TENM3: variants seen among roughly 807,000 people sequenced by gnomAD.
TENM3 encodes teneurin-3.
A neutral mutation model predicts 255.1 loss-of-function variants in TENM3; 63 were observed. That is an observed-to-expected ratio of 0.25 (90% CI 0.20 to 0.30). The LOEUF is 0.30. Ranked by LOEUF, TENM3 falls within the 10% of genes least tolerant of loss-of-function variation. The pLI is 1.00. For missense variants in TENM3, 2,929 were observed against 3,461.1 expected, an observed-to-expected ratio of 0.85 and a Z score of 3.86; for synonymous variants, 1,306 against 1,322.3, an observed-to-expected ratio of 0.99 and a Z score of 0.27.
intron 3 of TENM3, among the ~76,000 whole-genome samples, chr4:182,552,348 T>C (rs1186330228): frequency 2.6e-5 from 4 of 152,206 alleles, no homozygotes; most frequent in Non-Finnish European, 5.9e-5. Context: ...TTCCAATGAT[T>C]GTCAACCCAT....
the TENM3 span, among the ~76,000 whole-genome samples, chr4:181,693,331 C>G: frequency 1.3e-5 from 2 of 152,144 alleles, no homozygotes; most frequent in Non-Finnish European, 2.9e-5. Context: ...ACTTCACAGG[C>G]CTTCAGAGGT....
the TENM3 span, among the ~76,000 whole-genome samples, chr4:181,686,798 A>G: frequency 6.6e-6 from 1 of 152,176 alleles, no homozygotes; most frequent in Admixed American, 6.5e-5. Flanking sequence ...TTAAAATAAA[A>G]TAATAGACTC....
At chr4:181,777,183 G>A in the TENM3 span, among the ~76,000 whole-genome samples, 1 of 151,930 alleles carries the variant, frequency 6.6e-6, no homozygotes, top group South Asian at 2.1e-4. Context: ...TAAACAAGGT[G>A]TCATTTCCCC....
intron 3 of TENM3, among the ~76,000 whole-genome samples, chr4:182,512,959 T>G (rs1440409817): frequency 6.6e-6 from 1 of 152,184 alleles, no homozygotes; most frequent in Non-Finnish European, 1.5e-5. Flanking sequence ...TGAATGAATT[T>G]TTGGTGGAAT....
At chr4:182,534,261 T>C (rs1443242072) in intron 3 of TENM3, among the ~76,000 whole-genome samples, 2 of 152,140 alleles carry the variant, frequency 1.3e-5, no homozygotes. Context: ...GTCAGGGTTA[T>C]TTACCTCCAA....
the TENM3 span, among the ~76,000 whole-genome samples, chr4:181,854,665 CTTT>C: frequency 3.3e-5 from 5 of 152,188 alleles, no homozygotes; most frequent in Non-Finnish European, 4.4e-5. Context: ...TTCCATTACT[CTTT>C]TCCAACACAT....
chr4:181,641,784 C>T, the TENM3 span, among the ~76,000 whole-genome samples: 6 of 62,958 alleles, frequency 9.5e-5, no homozygotes, highest in South Asian at 5.3e-4. Context: ...ATACACACAC[C>T]ATATATATAT....
chr4:181,554,431 G>A, the TENM3 span, among the ~76,000 whole-genome samples: 1 of 152,150 alleles, frequency 6.6e-6, no homozygotes, highest in Admixed American at 6.5e-5. Flanking sequence ...CATAATAATA[G>A]TTTGATGATG....
the TENM3 span, among the ~76,000 whole-genome samples, chr4:182,123,362 G>T: frequency 1.3e-5 from 2 of 152,050 alleles, no homozygotes; most frequent in African/African-American, 4.8e-5. Context: ...GACTTATTTT[G>T]CTTTGTACCC....
the TENM3 span, among the ~76,000 whole-genome samples, chr4:181,945,378 G>A: frequency 0.13 from 19,202 of 152,040 alleles, 1,301 homozygotes; most frequent in East Asian, 0.17. Context: ...GCTTTCATCC[G>A]AAGAGCAAGA....
the TENM3 span, among the ~76,000 whole-genome samples, chr4:181,667,109 C>T: frequency 2.0e-5 from 3 of 152,102 alleles, no homozygotes; most frequent in Non-Finnish European, 4.4e-5. Context: ...GGGATCAAAA[C>T]TTTTAATTTT....
the TENM3 span, among the ~76,000 whole-genome samples, chr4:181,616,853 G>C: frequency 6.6e-6 from 1 of 152,200 alleles, no homozygotes; most frequent in African/African-American, 2.4e-5. Flanking sequence ...CCCACCCACA[G>C]AGTTGAAGGC....
chr4:181,914,698 C>G, the TENM3 span, among the ~76,000 whole-genome samples: 3 of 152,062 alleles, frequency 2.0e-5, no homozygotes, highest in African/African-American at 7.2e-5. Flanking sequence ...ATGGCTAACG[C>G]TGAGAGAGGG....
rs116380053 is a variant in TENM3, at chr4:182,233,318, A to T, written c.-76+88564A>T. The stretch of plus-strand genomic sequence containing the variant: ...TGATCCCACACTGGCACTGTTCTGC[A>T]TGGTGGCGGCTCCTGGCCTGCCAGG... On this transcript the variant is annotated intron_variant, in intron 1 of 2. Transcript: ENST00000512480. Among the ~76,000 whole-genome samples, 399 of 152,346 alleles carry T rather than the reference A, an allele frequency of 2.6e-3. 1 individual carries two copies. Among genetic ancestry groups the T allele is most frequent in the African/African-American group, 9.1e-3 (379 of 41,594 alleles).
chr4:181,729,956 TA>T, the TENM3 span, among the ~76,000 whole-genome samples: 6 of 152,160 alleles, frequency 3.9e-5, no homozygotes, highest in African/African-American at 1.4e-4. Flanking sequence ...TCAGGATGGA[TA>T]AATAGAAAGG....
chr4:182,741,341 C>T (rs1342941361), intron 18 of TENM3, among the ~76,000 whole-genome samples: 1 of 152,112 alleles, frequency 6.6e-6, no homozygotes, highest in Non-Finnish European at 1.5e-5. Flanking sequence ...GATTTGTAGT[C>T]ATGACAAGGT....
upstream of TENM3, chr4:182,142,893 C>G (rs1749569766): frequency 6.0e-6 from 1 of 166,930 alleles, no homozygotes; most frequent in Non-Finnish European, 1.5e-5. Flanking sequence ...GACCACCCAG[C>G]CAGAGAGCGG....
the TENM3 span, among the ~76,000 whole-genome samples, chr4:181,485,921 C>A: frequency 6.6e-6 from 1 of 151,934 alleles, no homozygotes; most frequent in African/African-American, 2.4e-5. Flanking sequence ...ATTTCAGAGA[C>A]TTCAATTTTT....
At chr4:182,457,185 T>TG (rs1314049087) in intron 3 of TENM3, among the ~76,000 whole-genome samples, 1 of 102,760 alleles carries the variant, frequency 9.7e-6, no homozygotes, top group Non-Finnish European at 2.1e-5. Context: ...ACTCTGTCTC[T>TG]CAAAAAAAAA....
Sources: gnomAD v4.1 joint callset for allele counts (sites outside exome capture counted in the v4.1 genomes callset) on GRCh38, gnomAD v4.1.1 for gene constraint, MANE v1.5 for transcripts, NCBI Gene and HGNC (gene_info 2026-07-23, HGNC 2026-07-21) for gene names.